BPIFC: variants seen among roughly 807,000 people sequenced by gnomAD.
BPIFC encodes the protein BPI fold containing family C.
Under a neutral mutation model 57.6 loss-of-function variants are expected in BPIFC, and 60 were observed. That is an observed-to-expected ratio of 1.04 (90% CI 0.85 to 1.29). The LOEUF (loss-of-function observed/expected upper bound fraction) is 1.29, where lower values mean the gene tolerates loss of function less well. Among genes scored for constraint, BPIFC ranks in the 50% most tolerant of loss-of-function variants. BPIFC has a pLI of 0.00. For missense variants in BPIFC, 581 were observed against 600.5 expected, an observed-to-expected ratio of 0.97 and a Z score of 0.34; for synonymous variants, 243 against 224.5, an observed-to-expected ratio of 1.08 and a Z score of -0.74.
intron 13 of BPIFC, among the ~76,000 whole-genome samples, chr22:32,429,356 G>A (rs1426772077): frequency 1.3e-5 from 2 of 151,488 alleles, no homozygotes; most frequent in Non-Finnish European, 2.9e-5. Context: ...ACAGGCGCCC[G>A]CCACCACGCC....
Position 32,419,376 on chromosome 22 carries a change from G to A in BPIFC, c.1246C>T (p.Arg416Cys), listed in dbSNP as rs367976450. 1.2e-5 allele frequency: 20 copies of A among 1,613,666 alleles called. No individual in the cohort carries two copies. Among genetic ancestry groups the A allele is most frequent in the African/African-American group, 6.7e-5 (5 of 74,874 alleles). The change falls in exon 14 of 17, where the codon CGC (arginine) becomes TGC (cysteine). Residue 416 changes from arginine (R) to cysteine (C), a missense_variant. By Grantham distance (180) the Arg-to-Cys change is radical (BLOSUM62 -3). Coordinates refer to ENST00000300399, the MANE Select transcript of BPIFC (RefSeq NM_174932.3). The part of the protein sequence containing the change: ...RFRLALPESN[R>C]SNIEVLRFEN... ...CAGATTCCTACCTCAATGTTGCTGCGATTGGACTCTGGCAAAGCAAGGCGG... is the reference window on the plus strand; with the variant it reads ...CAGATTCCTACCTCAATGTTGCTGCAATTGGACTCTGGCAAAGCAAGGCGG...
intron 13 of BPIFC, 57 bp downstream of exon 13, chr22:32,431,290 G>T: frequency 7.1e-7 from 1 of 1,415,622 alleles, no homozygotes; most frequent in Non-Finnish European, 1.0e-6. Context: ...CTTTGTCTCT[G>T]ATCAGTTGAC....
At chr22:32,443,176 T>G (rs1934615785) in intron 7 of BPIFC, among the ~76,000 whole-genome samples, 1 of 151,384 alleles carries the variant, frequency 6.6e-6, no homozygotes, top group African/African-American at 2.4e-5. Flanking sequence ...TTTTTTTTTT[T>G]TTTTTGAGAC....
chr22:32,441,310 C>T (rs577894641), intron 8 of BPIFC, among the ~76,000 whole-genome samples: 1 of 152,320 alleles, frequency 6.6e-6, no homozygotes, highest in African/African-American at 2.4e-5. Context: ...TCTCCACCTC[C>T]TCCACTGCTT....
chr22:32,445,226 G>A (rs998968924), intron 7 of BPIFC, among the ~76,000 whole-genome samples: 4 of 152,100 alleles, frequency 2.6e-5, no homozygotes, highest in Non-Finnish European at 5.9e-5. Flanking sequence ...CTCAATAAAG[G>A]TTTCTTGATT....
intron 13 of BPIFC, among the ~76,000 whole-genome samples, chr22:32,422,907 T>C (rs1933889317): frequency 6.6e-6 from 1 of 152,184 alleles, no homozygotes; most frequent in African/African-American, 2.4e-5. Context: ...CACCAGGCTG[T>C]GGACTGGGAA....
chr22:32,458,586 T>C (rs1158615035), intron 2 of BPIFC, among the ~76,000 whole-genome samples: 1 of 152,202 alleles, frequency 6.6e-6, no homozygotes, highest in South Asian at 2.1e-4. Context: ...GCACCTTGAA[T>C]AGTGACTGGC....
rs540817597 is a variant in BPIFC at position 32,459,022 on chromosome 22, G to T, written c.1-1636C>A. Among the ~76,000 whole-genome samples, 4 of 152,326 alleles carry T rather than the reference G, an allele frequency of 2.6e-5. No individual in the cohort carries two copies. The South Asian group carries it at 8.3e-4, about 32-fold the overall frequency. ...GATAGATGAAGCACAGGTCCCAAAAGCAGCAGTAATTTGGGTTTCTTTTAA... is the reference window on the plus strand; with the variant it reads ...GATAGATGAAGCACAGGTCCCAAAATCAGCAGTAATTTGGGTTTCTTTTAA... On this transcript the variant is annotated intron_variant, in intron 2 of 16. Coordinates refer to ENST00000300399, the MANE Select transcript of BPIFC (RefSeq NM_174932.3).
At chr22:32,450,282 G>C (rs924328652) in intron 4 of BPIFC, among the ~76,000 whole-genome samples, 11 of 152,236 alleles carry the variant, frequency 7.2e-5, no homozygotes, top group South Asian at 2.1e-4. Context: ...GCAGTCTCAT[G>C]TTTTACAGGT....
intron 13 of BPIFC, among the ~76,000 whole-genome samples, chr22:32,424,564 T>C (rs1933941201): frequency 6.8e-6 from 1 of 146,706 alleles, no homozygotes; most frequent in Non-Finnish European, 1.5e-5. Flanking sequence ...AAATCTTAAG[T>C]GTTATTTTCT....
intron 2 of BPIFC, among the ~76,000 whole-genome samples, chr22:32,460,310 A>C (rs189747117): frequency 5.9e-4 from 90 of 152,270 alleles, no homozygotes; most frequent in African/African-American, 1.8e-3. Flanking sequence ...GCTGGGTGGG[A>C]GGTGGAAGGG....
chr22:32,427,902 A>C (rs1254771056), intron 13 of BPIFC, among the ~76,000 whole-genome samples: 1 of 152,148 alleles, frequency 6.6e-6, no homozygotes, highest in Admixed American at 6.5e-5. Context: ...CAGGAGAATC[A>C]CTTGAACCTG....
intron 13 of BPIFC, 55 bp from the exon 14 acceptor site, chr22:32,419,459 A>G: frequency 1.3e-6 from 2 of 1,483,942 alleles, no homozygotes; most frequent in South Asian, 2.4e-5. Context: ...CTTAGTAGAA[A>G]GAAACCAAAA....
At chr22:32,462,375 A>T (rs1935186489) in intron 1 of BPIFC, among the ~76,000 whole-genome samples, 1 of 152,044 alleles carries the variant, frequency 6.6e-6, no homozygotes, top group Admixed American at 6.6e-5. Flanking sequence ...CAACTGACTG[A>T]CTTAAAAGAT....
Position 32,424,678 on chromosome 22 carries a change from T to TCCTCCTCCTCCTCCTCCTCCTCCTCC in BPIFC, c.1218-5275_1218-5274insGGAGGAGGAGGAGGAGGAGGAGGAGG, listed in dbSNP as rs1569448055. On this transcript the variant is annotated intron_variant, in intron 13 of 16. Coordinates refer to ENST00000300399, the MANE Select transcript of BPIFC (RefSeq NM_174932.3). ...CTTCTTCTTCTTCTTCTTCTTCTTCTTCTTCTTCTTCTTCCTCTTCTTCTT... is the reference window on the plus strand; with the variant it reads ...CTTCTTCTTCTTCTTCTTCTTCTTCTCCTCCTCCTCCTCCTCCTCCTCCTCCTCTTCTTCTTCTTCCTCTTCTTCTT... Among the ~76,000 whole-genome samples, 14 of 90,504 alleles carry TCCTCCTCCTCCTCCTCCTCCTCCTCC rather than the reference T, an allele frequency of 1.5e-4. 2 individuals carry two copies. The highest frequency in any genetic ancestry group is 2.0e-4 in the Non-Finnish European group (10 of 50,722). 59.4% of individuals were successfully genotyped at this position (90,504 alleles called of 152,430 possible). A position where few individuals can be genotyped will look rare whatever the true frequency, so the allele number is the denominator to read the frequency against.
In BPIFC at chr22:32,432,410, T is replaced by C; in HGVS notation, c.1112A>G (p.Lys371Arg). The C allele has an allele frequency of 6.2e-7, 1 of 1,614,066 alleles. No individual in the cohort carries two copies. The highest frequency in any genetic ancestry group is 8.5e-7 in the Non-Finnish European group (1 of 1,180,026). ...AACGATGGTTTCAACTGTGGAGTTC[T>C]TGGGTTGGGTGAGCATCATGATGGA... ...PASIMMLTQP[K>R]NSTVETIVSM... The change falls in exon 12 of 17, where the codon AAG (lysine) becomes AGG (arginine). Residue 371 changes from lysine (K) to arginine (R), a missense_variant. Coordinates refer to ENST00000300399, the MANE Select transcript of BPIFC (RefSeq NM_174932.3).
At chr22:32,461,782 C>A in intron 1 of BPIFC, 121 bp from the exon 2 acceptor site, 1 of 294,860 alleles carries the variant, frequency 3.4e-6, no homozygotes, top group Non-Finnish European at 5.0e-6. Context: ...TATGGCGAGG[C>A]CAAACTGAAA....
At chr22:32,433,582 A>G (rs555486103) in intron 11 of BPIFC, 137 bp downstream of exon 11, 3 of 702,208 alleles carry the variant, frequency 4.3e-6, no homozygotes, top group Middle Eastern at 2.4e-4. Flanking sequence ...ATTTGTAGAT[A>G]TTCGATTACG....
chr22:32,414,273 T>G lies in BPIFC; in HGVS notation c.*30A>C, dbSNP rs896178648. ...AGTAGTTGTAGGATTAAGGACCATTTACTTCCTGGGGTGAATTGCAAACCG... is the reference window on the plus strand; with the variant it reads ...AGTAGTTGTAGGATTAAGGACCATTGACTTCCTGGGGTGAATTGCAAACCG... On this transcript the variant is annotated 3_prime_UTR_variant, in exon 17 of 17. Coordinates refer to ENST00000300399, the MANE Select transcript of BPIFC (RefSeq NM_174932.3). The G allele has an allele frequency of 6.2e-7, 1 of 1,611,300 alleles. No individual in the cohort carries two copies. The highest frequency in any genetic ancestry group is 8.5e-7 in the Non-Finnish European group (1 of 1,178,426).
Sources: gnomAD v4.1 joint callset for allele counts (sites outside exome capture counted in the v4.1 genomes callset) on GRCh38, gnomAD v4.1.1 for gene constraint, MANE v1.5 for transcripts, NCBI Gene and HGNC (gene_info 2026-07-23, HGNC 2026-07-21) for gene names.